Variants in SLC24A2 observed in about 807,000 individuals in gnomAD.
The protein encoded by SLC24A2 is sodium/potassium/calcium exchanger 2.
In SLC24A2, 36 loss-of-function variants were observed where a neutral mutation model predicts 62.0. That is an observed-to-expected ratio of 0.58 (90% CI 0.44 to 0.77). The LOEUF is 0.77. Ranked by LOEUF, SLC24A2 falls within the 30% of genes least tolerant of loss-of-function variation. The pLI, the probability that SLC24A2 is intolerant of heterozygous loss-of-function variation, is 0.00. For synonymous variants in SLC24A2, 358 were observed against 294.0 expected, an observed-to-expected ratio of 1.22 and a Z score of -2.23; for missense variants, 846 against 817.9, an observed-to-expected ratio of 1.03 and a Z score of -0.42.
the SLC24A2 span, among the ~76,000 whole-genome samples, chr9:19,804,947 T>C: frequency 6.6e-6 from 1 of 152,170 alleles, no homozygotes; most frequent in Non-Finnish European, 1.5e-5. Flanking sequence ...GACTTTCAGA[T>C]GGTAGGAGAT....
the SLC24A2 span, among the ~76,000 whole-genome samples, chr9:19,818,075 A>C: frequency 6.6e-6 from 1 of 151,962 alleles, no homozygotes; most frequent in Non-Finnish European, 1.5e-5. Context: ...ATGTACCTTT[A>C]CTGAGGAGTT....
At chr9:20,128,035 A>G in the SLC24A2 span, among the ~76,000 whole-genome samples, 1 of 152,082 alleles carries the variant, frequency 6.6e-6, no homozygotes, top group African/African-American at 2.4e-5. Flanking sequence ...CCATTCCTTA[A>G]GCCTTTTGGT....
At chr9:19,894,357 T>C in the SLC24A2 span, among the ~76,000 whole-genome samples, 3 of 152,338 alleles carry the variant, frequency 2.0e-5, no homozygotes, top group African/African-American at 4.8e-5. Flanking sequence ...TCTTAGATAT[T>C]TCCTCGATTT....
chr9:20,193,123 C>T, the SLC24A2 span, among the ~76,000 whole-genome samples: 1 of 152,082 alleles, frequency 6.6e-6, no homozygotes, highest in African/African-American at 2.4e-5. Context: ...GAAACAATAA[C>T]AGGTGGTAGA....
the SLC24A2 span, among the ~76,000 whole-genome samples, chr9:20,001,526 T>G: frequency 1.3e-5 from 2 of 152,180 alleles, no homozygotes; most frequent in African/African-American, 4.8e-5. Context: ...CTGCCTTTTT[T>G]GGGTAAATCA....
chr9:19,907,889 C>A, the SLC24A2 span, among the ~76,000 whole-genome samples: 2 of 152,048 alleles, frequency 1.3e-5, no homozygotes, highest in African/African-American at 4.8e-5. Context: ...GAATCAATAT[C>A]GTGAAAATGG....
chr9:20,297,080 G>C, the SLC24A2 span, among the ~76,000 whole-genome samples: 2 of 152,054 alleles, frequency 1.3e-5, no homozygotes, highest in African/African-American at 2.4e-5. Flanking sequence ...TCAACATTCA[G>C]GATTATGGTG....
At chr9:20,247,013 G>A in the SLC24A2 span, among the ~76,000 whole-genome samples, 3 of 152,164 alleles carry the variant, frequency 2.0e-5, no homozygotes, top group Non-Finnish European at 2.9e-5. Flanking sequence ...ATTTTGAAGT[G>A]AGACTCCTTT....
At chr9:20,179,599 T>C in the SLC24A2 span, among the ~76,000 whole-genome samples, 2 of 152,032 alleles carry the variant, frequency 1.3e-5, no homozygotes, top group Non-Finnish European at 2.9e-5. Context: ...TGTGCACAGA[T>C]GTCTTCCCAA....
chr9:20,144,568 C>T, the SLC24A2 span, among the ~76,000 whole-genome samples: 1 of 152,186 alleles, frequency 6.6e-6, no homozygotes, highest in Admixed American at 6.5e-5. Context: ...GCAAGATCCA[C>T]TGTTTAACAA....
the SLC24A2 span, among the ~76,000 whole-genome samples, chr9:20,155,460 C>G: frequency 2.0e-5 from 3 of 151,604 alleles, no homozygotes; most frequent in Non-Finnish European, 4.4e-5. Flanking sequence ...TTATTTTTTG[C>G]CTCTTAGATA....
chr9:20,277,540 C>A, the SLC24A2 span, among the ~76,000 whole-genome samples: 5 of 151,886 alleles, frequency 3.3e-5, no homozygotes, highest in Admixed American at 3.3e-4. Context: ...CAATGAGATA[C>A]CATCTCACAC....
At chr9:19,734,768 AAGG>A (rs1424265941) in intron 2 of SLC24A2, among the ~76,000 whole-genome samples, 1 of 124,618 alleles carries the variant, frequency 8.0e-6, no homozygotes, top group African/African-American at 3.4e-5. Context: ...CTATCAGCTT[AAGG>A]AGATTTTGGG....
chr9:19,751,135 C>T (rs996085402), intron 2 of SLC24A2, among the ~76,000 whole-genome samples: 4 of 152,128 alleles, frequency 2.6e-5, no homozygotes, highest in Non-Finnish European at 5.9e-5. Context: ...TTGCTTTGAA[C>T]CCCTATGACT....
the SLC24A2 span, among the ~76,000 whole-genome samples, chr9:20,210,637 C>CTTTTTTTT: frequency 1.2e-5 from 1 of 80,876 alleles, no homozygotes; most frequent in African/African-American, 5.7e-5. Flanking sequence ...CAACGCCCGG[C>CTTTTTTTT]TTTTTTTTTT....
chr9:19,908,211 C>G, the SLC24A2 span, among the ~76,000 whole-genome samples: 1 of 152,118 alleles, frequency 6.6e-6, no homozygotes, highest in Non-Finnish European at 1.5e-5. Context: ...CTTTGACAAA[C>G]CTGACAAAAA....
At chr9:19,875,391 A>G in the SLC24A2 span, among the ~76,000 whole-genome samples, 1 of 152,188 alleles carries the variant, frequency 6.6e-6, no homozygotes, top group Non-Finnish European at 1.5e-5. Flanking sequence ...TAATGACAAA[A>G]CTTAGTTCAA....
the SLC24A2 span, among the ~76,000 whole-genome samples, chr9:19,884,990 A>G: frequency 1.3e-5 from 2 of 152,194 alleles, no homozygotes; most frequent in South Asian, 4.1e-4. Context: ...AGAGTGGACA[A>G]GGTTGGATGG....
At chr9:20,307,382 G>A in the SLC24A2 span, among the ~76,000 whole-genome samples, 1 of 152,192 alleles carries the variant, frequency 6.6e-6, no homozygotes, top group Non-Finnish European at 1.5e-5. Flanking sequence ...TCTGTGATTA[G>A]TATTCCCTAA....
Sources: gnomAD v4.1 joint callset for allele counts (sites outside exome capture counted in the v4.1 genomes callset) on GRCh38, gnomAD v4.1.1 for gene constraint, MANE v1.5 for transcripts, NCBI Gene and HGNC (gene_info 2026-07-23, HGNC 2026-07-21) for gene names.